Variants in RBM34 observed in about 807,000 individuals in gnomAD.
The protein encoded by RBM34 is RNA-binding protein 34.
RBM34 carries 39 observed loss-of-function variants against 44.6 expected under a neutral mutation model. That is an observed-to-expected ratio of 0.87 (90% CI 0.68 to 1.14). The LOEUF (loss-of-function observed/expected upper bound fraction) is 1.14, where lower values mean the gene tolerates loss of function less well. Among genes scored for constraint, RBM34 ranks in the 50% most tolerant of loss-of-function variants. The probability of loss-of-function intolerance (pLI) is 0.00; values close to 1 mark genes in which losing one functional copy is unlikely to be tolerated. For synonymous variants in RBM34, 194 were observed against 184.0 expected (o/e 1.05, Z -0.44); for missense variants, 572 against 517.9 (o/e 1.10, Z -1.01).
At chr1:235,153,448 G>C (rs1232438146) in intron 4 of RBM34, among the ~76,000 whole-genome samples, 3 of 147,534 alleles carry the variant, frequency 2.0e-5, no homozygotes, top group Non-Finnish European at 4.5e-5. Context: ...TTTTGAGACA[G>C]AGTCTCACTC....
intron 10 of RBM34, among the ~76,000 whole-genome samples, chr1:235,133,377 T>C (rs1013634526): frequency 2.0e-5 from 3 of 152,136 alleles, no homozygotes; most frequent in Non-Finnish European, 2.9e-5. Context: ...AATTTCATTA[T>C]TACAGGGAAA....
In RBM34 at chr1:235,159,111, G is replaced by C. The variant is rs986981656; in HGVS notation, c.365+1400C>G. Among the ~76,000 whole-genome samples, 7 of 151,806 alleles carry C rather than the reference G, an allele frequency of 4.6e-5. No homozygotes were observed. The East Asian group carries it at 7.7e-4, about 17-fold the overall frequency. Reference sequence around the variant, plus strand: ...GCCTATAGTCTAAGCAACACAGGAGGCTGAGGTGGGCGGCTGGATTGAGTC... The same window carrying C: ...GCCTATAGTCTAAGCAACACAGGAGCCTGAGGTGGGCGGCTGGATTGAGTC... On this transcript the variant is annotated intron_variant, in intron 3 of 10. Coordinates refer to ENST00000408888, the MANE Select transcript of RBM34 (RefSeq NM_015014.4).
intron 3 of RBM34, chr1:235,160,167 G>C: frequency 2.4e-6 from 1 of 424,622 alleles, no homozygotes; most frequent in Non-Finnish European, 4.7e-6. Flanking sequence ...CAGGAGAATC[G>C]CTTGAACCTG....
chr1:235,150,077 T>C (rs1662095574), intron 5 of RBM34, among the ~76,000 whole-genome samples: 1 of 152,162 alleles, frequency 6.6e-6, no homozygotes, highest in Non-Finnish European at 1.5e-5. Context: ...GGTTTTGTTT[T>C]ATTTTGTTTG....
intron 6 of RBM34, 113 bp from the exon 7 acceptor site, chr1:235,138,287 G>C: frequency 1.4e-6 from 1 of 716,742 alleles, no homozygotes; most frequent in East Asian, 2.7e-5. Context: ...CACATGACAA[G>C]AATTCCTGGG....
At chr1:235,140,720 C>T (rs575058920) in intron 6 of RBM34, among the ~76,000 whole-genome samples, 10 of 152,240 alleles carry the variant, frequency 6.6e-5, no homozygotes, top group Non-Finnish European at 5.9e-5. Context: ...CCTGCAGCCC[C>T]GGTGCAGGAT....
intron 6 of RBM34, among the ~76,000 whole-genome samples, chr1:235,144,703 A>T (rs1490427996): frequency 6.6e-6 from 1 of 152,086 alleles, no homozygotes; most frequent in South Asian, 2.1e-4. Context: ...ACTATGACTG[A>T]GTCACTGCAC....
At chr1:235,153,579 C>T (rs948375225) in intron 4 of RBM34, among the ~76,000 whole-genome samples, 1 of 152,146 alleles carries the variant, frequency 6.6e-6, no homozygotes, top group Non-Finnish European at 1.5e-5. Flanking sequence ...CATGTGTCAC[C>T]ACACCCAGCT....
intron 5 of RBM34, 123 bp from the exon 6 acceptor site, chr1:235,148,570 A>G: frequency 1.5e-6 from 1 of 670,848 alleles, no homozygotes; most frequent in Non-Finnish European, 2.2e-6. Flanking sequence ...CTAGGGAAAT[A>G]AACAAATCAG....
chr1:235,131,875 C>T lies in RBM34; in HGVS notation c.1131G>A (p.Leu377=), dbSNP rs1216911679. Reference sequence around the variant, plus strand: ...CCTGCTTAGGTTTACTGACATTCTTCAATCGTGGATTTGAATTTTGTTGTT... The same window carrying T: ...CCTGCTTAGGTTTACTGACATTCTTTAATCGTGGATTTGAATTTTGTTGTT... ...KFKQQNSNPR[L]KNVSKPKQGL... The change falls in exon 11 of 11, where the codon TTG becomes TTA. Residue 377 remains leucine (L), a synonymous_variant. Coordinates refer to ENST00000408888, the MANE Select transcript of RBM34 (RefSeq NM_015014.4). 6.2e-6 allele frequency: 10 copies of T among 1,614,008 alleles called. No individual in the cohort carries two copies. The highest frequency in any genetic ancestry group is 1.3e-5 in the African/African-American group (1 of 74,918).
chr1:235,159,042 G>A (rs550832657), intron 3 of RBM34, among the ~76,000 whole-genome samples: 15 of 150,864 alleles, frequency 9.9e-5, no homozygotes, highest in African/African-American at 2.9e-4. Context: ...GCAAAATCCC[G>A]TCTCTACAAA....
chr1:235,139,567 C>T (rs1366375681), intron 6 of RBM34, among the ~76,000 whole-genome samples: 2 of 152,160 alleles, frequency 1.3e-5, no homozygotes, highest in South Asian at 2.1e-4. Flanking sequence ...ACACAGCTGC[C>T]GACAACATCC....
intron 5 of RBM34, among the ~76,000 whole-genome samples, chr1:235,152,235 C>T (rs967567249): frequency 3.3e-5 from 5 of 152,030 alleles, no homozygotes; most frequent in African/African-American, 1.2e-4. Context: ...GAGTGCTGAG[C>T]TGGTAAAATC....
Position 235,160,755 on chromosome 1 carries a change from G to C in RBM34, c.229-108C>G, listed in dbSNP as rs906053797. 2.2e-4 allele frequency: 339 copies of C among 1,509,630 alleles called. No homozygotes were observed. Among genetic ancestry groups the C allele is most frequent in the Middle Eastern group, 3.5e-4 (2 of 5,694 alleles). 93.5% of individuals were successfully genotyped at this position (1,509,630 alleles called of 1,614,324 possible). A position where few individuals can be genotyped will look rare whatever the true frequency, so the allele number is the denominator to read the frequency against. On this transcript the variant is annotated intron_variant, in intron 2 of 10. Coordinates refer to ENST00000408888, the MANE Select transcript of RBM34 (RefSeq NM_015014.4). ...AGAATCTCTTCTCTCTCACTGGTAT[G>C]TAAGAGTCATGAAAGGTTACTTAAA...
At chr1:235,154,193 C>G (rs888944228) in intron 4 of RBM34, among the ~76,000 whole-genome samples, 2 of 150,050 alleles carry the variant, frequency 1.3e-5, no homozygotes, top group Non-Finnish European at 3.0e-5. Flanking sequence ...TTGCAGTGAA[C>G]AGAGATCGCG....
At chr1:235,156,311 G>C (rs1017373735) in intron 3 of RBM34, among the ~76,000 whole-genome samples, 4 of 152,098 alleles carry the variant, frequency 2.6e-5, no homozygotes, top group Non-Finnish European at 4.4e-5. Context: ...GCAAGAATAA[G>C]TGAAGCTCAA....
intron 5 of RBM34, 66 bp from the exon 6 acceptor site, chr1:235,148,513 A>C: frequency 7.7e-7 from 1 of 1,292,952 alleles, no homozygotes; most frequent in Non-Finnish European, 1.1e-6. Flanking sequence ...TAATATTTTA[A>C]GTGAAGTCTA....
At position 235,155,753 on chromosome 1, in the gene RBM34, C is replaced by T. The variant is rs377597078; in HGVS notation, c.366-641G>A. Among the ~76,000 whole-genome samples, 32 of 141,940 alleles carry T rather than the reference C, an allele frequency of 2.3e-4. 1 individual carries two copies. In the South Asian group the frequency reaches 6.6e-3, roughly 29 times the overall value. The allele number at this position is 141,940 out of a possible 152,430, so 93.1% of individuals were successfully genotyped here. On this transcript the variant is annotated intron_variant, in intron 3 of 10. Coordinates refer to ENST00000408888, the MANE Select transcript of RBM34 (RefSeq NM_015014.4). ...CTCCTGACCTCAAGTTATCTGCCCA[C>T]CTTGGCCTCCCAAAGTGCTGGGACT...
chr1:235,139,059 T>C (rs1187526622), intron 6 of RBM34, among the ~76,000 whole-genome samples: 3 of 152,354 alleles, frequency 2.0e-5, no homozygotes, highest in Admixed American at 6.5e-5. Flanking sequence ...TTTACCCTTT[T>C]GTCAATGACT....
Sources: gnomAD v4.1 joint callset for allele counts (sites outside exome capture counted in the v4.1 genomes callset) on GRCh38, gnomAD v4.1.1 for gene constraint, MANE v1.5 for transcripts, NCBI Gene and HGNC (gene_info 2026-07-23, HGNC 2026-07-21) for gene names.